The following CRCP variants were observed in gnomAD, a reference collection of about 807,000 sequenced individuals.
CRCP encodes the protein DNA-directed RNA polymerase III subunit RPC9.
A neutral mutation model predicts 18.5 loss-of-function variants in CRCP; 18 were observed. That is an observed-to-expected ratio of 0.97 (90% confidence interval 0.67 to 1.44). The LOEUF is 1.44. CRCP is among the 40% of genes most tolerant of loss of function. The pLI, the probability that CRCP is intolerant of heterozygous loss-of-function variation, is 0.00. For missense variants in CRCP, 130 were observed against 176.4 expected (o/e 0.74, Z 1.49); for synonymous variants, 53 against 62.9 (o/e 0.84, Z 0.75).
chr7:66,141,716 C>T (rs573155575), intron 4 of CRCP, among the ~76,000 whole-genome samples: 1 of 152,270 alleles, frequency 6.6e-6, no homozygotes, highest in South Asian at 2.1e-4. Context: ...TGGATTTGTC[C>T]GTGTGGAGGC....
intron 5 of CRCP, 41 bp from the exon 6 acceptor site, chr7:66,152,167 G>A: frequency 1.2e-6 from 2 of 1,611,962 alleles, no homozygotes; most frequent in Non-Finnish European, 1.7e-6. Context: ...AAGGCTGTAA[G>A]TTTCATTTGT....
chr7:66,123,683 G>T (rs1442813962), intron 1 of CRCP, among the ~76,000 whole-genome samples: 2 of 151,526 alleles, frequency 1.3e-5, no homozygotes, highest in Non-Finnish European at 2.9e-5. Flanking sequence ...GGGAAGTGGA[G>T]GTTATGGTGA....
intron 1 of CRCP, among the ~76,000 whole-genome samples, chr7:66,117,954 G>A (rs1333853057): frequency 3.9e-5 from 6 of 151,946 alleles, no homozygotes; most frequent in African/African-American, 7.3e-5. Context: ...CCTCGCCCTC[G>A]TCCTGTTCTC....
intron 4 of CRCP, among the ~76,000 whole-genome samples, chr7:66,138,716 C>T (rs1010973721): frequency 4.6e-5 from 7 of 150,618 alleles, no homozygotes; most frequent in Non-Finnish European, 7.4e-5. Context: ...ATGGCGTGAA[C>T]CCGGGAGGCA....
At chr7:66,120,780 A>G (rs1787413892) in intron 1 of CRCP, 1 of 152,162 alleles carries the variant, frequency 6.6e-6, no homozygotes, top group Non-Finnish European at 1.5e-5. Flanking sequence ...GGATGAGAAT[A>G]TACCCACGTA....
chr7:66,124,061 A>G (rs1289822552), intron 1 of CRCP, among the ~76,000 whole-genome samples: 1 of 126,324 alleles, frequency 7.9e-6, no homozygotes, highest in African/African-American at 3.0e-5. Flanking sequence ...AAAAAAAAAA[A>G]AAAAAAAAAA....
chr7:66,121,354 A>C (rs535299221), intron 1 of CRCP, among the ~76,000 whole-genome samples: 56 of 152,174 alleles, frequency 3.7e-4, no homozygotes, highest in Middle Eastern at 3.4e-3. Flanking sequence ...CTGGCCCAGA[A>C]ATTTATTTAA....
chr7:66,121,749 T>TA (rs2115868736), intron 1 of CRCP, among the ~76,000 whole-genome samples: 1 of 152,298 alleles, frequency 6.6e-6, no homozygotes, highest in East Asian at 1.9e-4. Flanking sequence ...GTAATATATA[T>TA]AATTGGGAAA....
At chr7:66,122,959 T>C (rs201500838) in intron 1 of CRCP, among the ~76,000 whole-genome samples, 42 of 146,604 alleles carry the variant, frequency 2.9e-4, no homozygotes, top group South Asian at 1.1e-3. Context: ...TTCTTTCTTT[T>C]TTTTTTTTTT....
At position 66,139,175 on chromosome 7, in the gene CRCP, G is replaced by A. The variant is rs116121676; in HGVS notation, c.239+4801G>A. The stretch of plus-strand genomic sequence containing the variant: ...CACTCTGTTGCCCAAGCTGAAGTGC[G>A]GTGGCACCCTCAGGCTCACTGCAGC... On this transcript the variant is annotated intron_variant, in intron 4 of 5. Coordinates refer to ENST00000395326, the MANE Select transcript of CRCP (RefSeq NM_014478.5). Among the ~76,000 whole-genome samples the A allele has an allele frequency of 7.5e-3, 1,136 of 152,130 alleles. 12 individuals are homozygous for A. The highest frequency in any genetic ancestry group is 0.024 in the African/African-American group (991 of 41,506).
At chr7:66,121,761 T>C (rs1049920172) in intron 1 of CRCP, among the ~76,000 whole-genome samples, 1 of 152,178 alleles carries the variant, frequency 6.6e-6, no homozygotes, top group Non-Finnish European at 1.5e-5. Flanking sequence ...ATTGGGAAAA[T>C]AGACATTATC....
intron 1 of CRCP, among the ~76,000 whole-genome samples, chr7:66,124,803 A>G (rs1787572740): frequency 7.6e-6 from 1 of 131,656 alleles, no homozygotes; most frequent in Non-Finnish European, 1.8e-5. Context: ...GAAAAAGGGC[A>G]TTCTATGTAG....
intron 3 of CRCP, 86 bp downstream of exon 3, chr7:66,130,928 G>C (rs1472318418): frequency 1.3e-6 from 1 of 797,268 alleles, no homozygotes; most frequent in Non-Finnish European, 2.1e-6. Flanking sequence ...CTGAAATTAA[G>C]ATTGCTTTTT....
At chr7:66,124,725 C>T (rs1787569777) in intron 1 of CRCP, among the ~76,000 whole-genome samples, 1 of 126,602 alleles carries the variant, frequency 7.9e-6, no homozygotes, top group African/African-American at 2.5e-5. Context: ...TCTCCATACA[C>T]AGGTGCACAC....
At chr7:66,121,099 A>G (rs1435986749) in intron 1 of CRCP, among the ~76,000 whole-genome samples, 1 of 151,204 alleles carries the variant, frequency 6.6e-6, no homozygotes, top group Non-Finnish European at 1.5e-5. Context: ...TTTGAGATGG[A>G]GTTTCGCTCT....
intron 5 of CRCP, among the ~76,000 whole-genome samples, chr7:66,150,377 T>C (rs1357174850): frequency 2.5e-5 from 1 of 39,802 alleles, no homozygotes; most frequent in Non-Finnish European, 5.1e-5. Flanking sequence ...TGAAGATTGT[T>C]TCTTTCTCAG....
At chr7:66,144,359 T>G (rs1788226777) in intron 4 of CRCP, among the ~76,000 whole-genome samples, 1 of 152,260 alleles carries the variant, frequency 6.6e-6, no homozygotes, top group Non-Finnish European at 1.5e-5. Context: ...TTTCTGTGTA[T>G]TAACTCCTGC....
At chr7:66,131,044 C>T (rs1045492799) in intron 3 of CRCP, among the ~76,000 whole-genome samples, 1 of 152,090 alleles carries the variant, frequency 6.6e-6, no homozygotes, top group African/African-American at 2.4e-5. Flanking sequence ...GTGTGATCTT[C>T]GCTCACTGCA....
chr7:66,122,199 C>G (rs1454484970), intron 1 of CRCP, among the ~76,000 whole-genome samples: 1 of 151,944 alleles, frequency 6.6e-6, no homozygotes, highest in Non-Finnish European at 1.5e-5. Context: ...CACAGTGAAA[C>G]CCCATCTCTA....
Sources: allele counts gnomAD v4.1 joint callset (sites outside exome capture counted in the v4.1 genomes callset), GRCh38; gene constraint gnomAD v4.1.1; transcripts MANE v1.5; gene names NCBI Gene and HGNC (gene_info 2026-07-23, HGNC 2026-07-21).